RIN3: variants seen among roughly 807,000 people sequenced by gnomAD.
RIN3 encodes RAB5 interacting protein 3.
In RIN3, 54 loss-of-function variants were observed where a neutral mutation model predicts 76.3. The ratio of observed to expected loss-of-function variants is 0.71; its 90% confidence interval spans 0.57 to 0.89. The LOEUF (loss-of-function observed/expected upper bound fraction) is 0.89, where lower values mean the gene tolerates loss of function less well. Among genes scored for constraint, RIN3 ranks in the 40% least tolerant of loss-of-function variants. The pLI, the probability that RIN3 is intolerant of heterozygous loss-of-function variation, is 0.00. For missense variants in RIN3, 1,256 were observed against 1,322.1 expected, an observed-to-expected ratio of 0.95 and a Z score of 0.78; for synonymous variants, 576 against 564.0, an observed-to-expected ratio of 1.02 and a Z score of -0.30.
intron 3 of RIN3, among the ~76,000 whole-genome samples, chr14:92,613,038 G>T (rs189887769): frequency 1.3e-5 from 2 of 152,220 alleles, no homozygotes; most frequent in South Asian, 4.1e-4. Context: ...AGATCAGGCC[G>T]TGCCTCAATG....
At position 92,527,845 on chromosome 14, in the gene RIN3, G is replaced by A. The variant is rs150291654; in HGVS notation, c.44+13869G>A. On this transcript the variant is annotated intron_variant, in intron 1 of 9. Transcript: ENST00000216487. ...ACTCGAGAGTCCATTCCTCTTTGTC[G>A]CTGAGAATATTTCGTTGTGTGGATC... Among the ~76,000 whole-genome samples, 602 of 152,248 alleles carry A rather than the reference G, an allele frequency of 4.0e-3. 2 individuals carry two copies. Among genetic ancestry groups the A allele is most frequent in the African/African-American group, 0.014 (574 of 41,544 alleles).
At chr14:92,682,903 C>T (rs1888716898) in intron 8 of RIN3, among the ~76,000 whole-genome samples, 1 of 152,214 alleles carries the variant, frequency 6.6e-6, no homozygotes, top group South Asian at 2.1e-4. Flanking sequence ...TGGTGGCTCA[C>T]ACCCGTAATC....
At chr14:92,537,737 C>A (rs902378522) in intron 1 of RIN3, among the ~76,000 whole-genome samples, 1 of 150,730 alleles carries the variant, frequency 6.6e-6, no homozygotes, top group Non-Finnish European at 1.5e-5. Flanking sequence ...CTCTGCCCCC[C>A]CGCCACCAGG....
At chr14:92,604,901 A>G (rs148176228) in intron 3 of RIN3, among the ~76,000 whole-genome samples, 5 of 95,916 alleles carry the variant, frequency 5.2e-5, no homozygotes, top group African/African-American at 2.1e-4. Context: ...TTCCTTATCC[A>G]TTTTCCTCTT....
chr14:92,615,347 TC>T, intron 3 of RIN3, 59 bp from the exon 4 acceptor site: 1 of 1,435,536 alleles, frequency 7.0e-7, no homozygotes. Flanking sequence ...GCCACCTCCT[TC>T]CCCCATTTTC....
intron 5 of RIN3, among the ~76,000 whole-genome samples, 173 bp downstream of exon 5, chr14:92,641,502 C>G (rs1887013836): frequency 6.6e-6 from 1 of 152,204 alleles, no homozygotes; most frequent in Non-Finnish European, 1.5e-5. Context: ...TGTCCAGTTT[C>G]TAAAGAGTCG....
At chr14:92,523,743 C>T (rs1896656017) in intron 1 of RIN3, among the ~76,000 whole-genome samples, 1 of 152,200 alleles carries the variant, frequency 6.6e-6, no homozygotes, top group Non-Finnish European at 1.5e-5. Context: ...AATCCTTGTG[C>T]TTTGACAGGG....
chr14:92,652,909 G>A lies in RIN3; in HGVS notation c.1860G>A (p.Val620=), dbSNP rs1406604376. 1.2e-6 allele frequency: 2 copies of A among 1,614,052 alleles called. No individual in the cohort carries two copies. The highest frequency in any genetic ancestry group is 1.1e-5 in the South Asian group (1 of 91,088). The change falls in exon 6 of 10, where the codon GTG becomes GTA. Residue 620 remains valine, a synonymous_variant. Coordinates refer to ENST00000216487, the MANE Select transcript of RIN3 (RefSeq NM_024832.5). The surrounding 1 kb of genome is among the most constrained non-coding windows in gnomAD (Gnocchi z 6.4). ...QDKGSYFGSL[V]QDYKVYSLEM... is the part of the protein sequence containing the mutation. ...AGGGCTCGTACTTTGGCAGCCTGGT[G>A]CAGGACTACAAGGTGTACAGCCTGG...
At chr14:92,552,381 C>G (rs1815973773) in intron 1 of RIN3, among the ~76,000 whole-genome samples, 3 of 152,132 alleles carry the variant, frequency 2.0e-5, no homozygotes, top group Admixed American at 2.0e-4. Context: ...CCAGGTCCCC[C>G]CAGATCTTCA....
rs1450285257 is a variant in RIN3, at chr14:92,514,261, G to A, written c.44+285G>A. Reference sequence around the variant, plus strand: ...CTGCTGGTGGACGGATTACGAGGGAGTGCGTCGCTACCTGTCAGCGCCGGG... The same window carrying A: ...CTGCTGGTGGACGGATTACGAGGGAATGCGTCGCTACCTGTCAGCGCCGGG... On this transcript the variant is annotated intron_variant, in intron 1 of 9. Transcript: ENST00000216487. The surrounding 1 kb of genome is among the most constrained non-coding windows in gnomAD (Gnocchi z 7.2). Among the ~76,000 whole-genome samples the A allele has an allele frequency of 2.1e-4, 32 of 152,050 alleles. No homozygotes were observed. Among genetic ancestry groups the A allele is most frequent in the Non-Finnish European group, 1.5e-5 (1 of 67,964 alleles).
chr14:92,563,040 G>A (rs956795576), intron 2 of RIN3, among the ~76,000 whole-genome samples: 12 of 152,102 alleles, frequency 7.9e-5, no homozygotes, highest in African/African-American at 2.7e-4. Context: ...AAGGAGTACC[G>A]ATTCTGTTGA....
At chr14:92,680,042 C>A (rs987783281) in intron 8 of RIN3, among the ~76,000 whole-genome samples, 2 of 152,070 alleles carry the variant, frequency 1.3e-5, no homozygotes, top group Admixed American at 6.6e-5. Flanking sequence ...AACTTTGGAA[C>A]CATGGAAATG....
At chr14:92,598,367 C>G (rs1190988422) in intron 3 of RIN3, among the ~76,000 whole-genome samples, 1 of 152,238 alleles carries the variant, frequency 6.6e-6, no homozygotes, top group African/African-American at 2.4e-5. Context: ...CTGAATACCA[C>G]TAAGTGCCCT....
chr14:92,545,562 T>A (rs1046204222), intron 1 of RIN3, among the ~76,000 whole-genome samples: 1 of 146,552 alleles, frequency 6.8e-6, no homozygotes, highest in African/African-American at 2.5e-5. Flanking sequence ...CCCTCTCTAT[T>A]TTTTTTCTTT....
chr14:92,579,210 G>C (rs1383146891), intron 3 of RIN3, among the ~76,000 whole-genome samples: 1 of 152,232 alleles, frequency 6.6e-6, no homozygotes, highest in Non-Finnish European at 1.5e-5. Flanking sequence ...TTACAGGCGT[G>C]AGCCACCGTG....
intron 2 of RIN3, among the ~76,000 whole-genome samples, chr14:92,561,943 C>T (rs569313896): frequency 6.6e-6 from 1 of 152,362 alleles, no homozygotes; most frequent in East Asian, 1.9e-4. Context: ...ACCTCGGCCT[C>T]CCATACCACT....
intron 1 of RIN3, among the ~76,000 whole-genome samples, chr14:92,524,354 G>A (rs1008333712): frequency 6.6e-6 from 1 of 152,212 alleles, no homozygotes; most frequent in African/African-American, 2.4e-5. Flanking sequence ...TGTCAAGCTT[G>A]TTTTATGCTG....
chr14:92,606,494 A>G (rs1434773402), intron 3 of RIN3, among the ~76,000 whole-genome samples: 2 of 152,194 alleles, frequency 1.3e-5, no homozygotes, highest in Non-Finnish European at 1.5e-5. Flanking sequence ...ACAGTGAGCC[A>G]TGATCACACC....
intron 1 of RIN3, among the ~76,000 whole-genome samples, chr14:92,536,566 A>G (rs1321820275): frequency 5.9e-5 from 9 of 151,862 alleles, no homozygotes; most frequent in African/African-American, 2.2e-4. Flanking sequence ...ACATGGTGAA[A>G]CCCTGTCTCT....
Sources: gnomAD v4.1 joint callset for allele counts (sites outside exome capture counted in the v4.1 genomes callset) on GRCh38, gnomAD v4.1.1 for gene constraint, Gnocchi (gnomAD v3.1) non-coding constraint, MANE v1.5 for transcripts, NCBI Gene and HGNC (gene_info 2026-07-23, HGNC 2026-07-21) for gene names.